The following ASIP variants were observed in gnomAD, a reference collection of about 807,000 sequenced individuals.
ASIP encodes agouti signaling protein.
In ASIP, 11 loss-of-function variants were observed where a neutral mutation model predicts 10.3. The ratio of observed to expected loss-of-function variants is 1.07; its 90% CI spans 0.68 to 1.78. The LOEUF is 1.78. Among genes scored for constraint, ASIP ranks in the 40% most tolerant of loss-of-function variants. The pLI is 0.00. For missense variants in ASIP, 180 were observed against 169.2 expected (o/e 1.06, Z -0.35); for synonymous variants, 70 against 70.8 (o/e 0.99, Z 0.06).
intron 1 of ASIP, among the ~76,000 whole-genome samples, chr20:34,218,812 G>A (rs940747045): frequency 2.0e-5 from 3 of 151,850 alleles, no homozygotes; most frequent in African/African-American, 4.8e-5. Context: ...GCAGGCGCCC[G>A]CCACCACGCC....
In ASIP at chr20:34,267,272, C is replaced by T. The variant is rs112066973; in HGVS notation, c.223-1719C>T. ...TAAAGAGTGCAAAGAAATTACAGCA[C>T]GGTAATGAGACTGAAGGGAAGAGTG... On this transcript the variant is annotated intron_variant, in intron 3 of 3. Transcript: ENST00000374954. Among the ~76,000 whole-genome samples the T allele has an allele frequency of 4.5e-4, 69 of 151,698 alleles. 1 individual carries two copies. Among genetic ancestry groups the T allele is most frequent in the Middle Eastern group, 6.8e-3 (2 of 292 alleles).
chr20:34,256,631 C>G (rs1178353906), intron 1 of ASIP, among the ~76,000 whole-genome samples: 2 of 152,068 alleles, frequency 1.3e-5, no homozygotes, highest in African/African-American at 4.8e-5. Flanking sequence ...TTTCCGGCCA[C>G]TCTCACTTCT....
chr20:34,201,003 TCCTTCCTTCC>T lies in ASIP; in HGVS notation c.-11+6244_-11+6253del, dbSNP rs2034891241. Among the ~76,000 whole-genome samples, 4 of 70,066 alleles carry T rather than the reference TCCTTCCTTCC, an allele frequency of 5.7e-5. No homozygotes were observed. In the African/African-American group the frequency reaches 5.9e-4, roughly 10 times the overall value. The allele number at this position is 70,066 out of a possible 152,430, so 46.0% of individuals were successfully genotyped here. A position where few individuals can be genotyped will look rare whatever the true frequency, so the allele number is the denominator to read the frequency against. ...TTCCTTCCTTCCTTCCTTCCTTCCT[TCCTTCCTTCC>T]TTCCTTCTTTCTTTCTTTCTTTCTT... On this transcript the variant is annotated intron_variant, in intron 1 of 3. Coordinates refer to the ASIP transcript ENST00000568305.
intron 3 of ASIP, among the ~76,000 whole-genome samples, chr20:34,263,553 C>T (rs1486247584): frequency 1.3e-5 from 2 of 152,088 alleles, no homozygotes; most frequent in Admixed American, 1.3e-4. Flanking sequence ...GAGTGAAACT[C>T]TGTCTCAAAA....
upstream of ASIP, among the ~76,000 whole-genome samples, chr20:34,238,738 A>T (rs2035243561): frequency 6.6e-6 from 1 of 152,054 alleles, no homozygotes; most frequent in African/African-American, 2.4e-5. Flanking sequence ...TTTGGTTGAA[A>T]ACTAGACATT....
At chr20:34,212,751 T>C (rs2122550610) in intron 1 of ASIP, among the ~76,000 whole-genome samples, 1 of 152,338 alleles carries the variant, frequency 6.6e-6, no homozygotes, top group African/African-American at 2.4e-5. Context: ...TCTGATGTTT[T>C]CCCACCTGCC....
upstream of ASIP, among the ~76,000 whole-genome samples, chr20:34,240,156 AAG>A (rs1277609362): frequency 6.6e-6 from 1 of 152,234 alleles, no homozygotes; most frequent in Non-Finnish European, 1.5e-5. Context: ...AAGGGAAAAA[AAG>A]AGAAAAAAGA....
chr20:34,252,344 G>A (rs2035490837), intron 1 of ASIP, among the ~76,000 whole-genome samples: 1 of 152,146 alleles, frequency 6.6e-6, no homozygotes, highest in Non-Finnish European at 1.5e-5. Context: ...CAACAGGTGG[G>A]GAGAAGGTCA....
upstream of ASIP, among the ~76,000 whole-genome samples, chr20:34,191,239 C>T (rs552215066): frequency 6.6e-6 from 1 of 152,310 alleles, no homozygotes; most frequent in African/African-American, 2.4e-5. Context: ...AGTAGCAAAT[C>T]CAATCTTGGT....
chr20:34,225,742 A>C (rs1181824666), intron 1 of ASIP, among the ~76,000 whole-genome samples: 1 of 152,062 alleles, frequency 6.6e-6, no homozygotes, highest in Non-Finnish European at 1.5e-5. Context: ...ATAAGTTCTC[A>C]TAATTGCTTG....
intron 1 of ASIP, among the ~76,000 whole-genome samples, chr20:34,226,083 G>C (rs1402702784): frequency 6.8e-6 from 1 of 147,210 alleles, no homozygotes; most frequent in South Asian, 2.1e-4. Flanking sequence ...TAGTAGAGAC[G>C]GGGTTTCACC....
intron 3 of ASIP, among the ~76,000 whole-genome samples, chr20:34,268,635 T>C (rs2424988): frequency 0.28 from 42,291 of 148,696 alleles, 10,429 homozygotes; most frequent in African/African-American, 0.67. Flanking sequence ...ACTTGGGAGG[T>C]TGAAGTGGCA....
Position 34,234,391 on chromosome 20 carries a change from T to C in ASIP, c.-10-25974T>C, listed in dbSNP as rs138966218. 1.4e-3 allele frequency among the ~76,000 whole-genome samples: 208 copies of C among 152,340 alleles called. 1 individual carries two copies. The highest frequency in any genetic ancestry group is 4.8e-3 in the African/African-American group (200 of 41,574). On this transcript the variant is annotated intron_variant, in intron 1 of 3. Coordinates refer to the ASIP transcript ENST00000568305. ...TAGCTTTTGTTTTAGACCATTGTGCTAATTGACCCTTAATGCAGTAGGTCT... is the reference window on the plus strand; with the variant it reads ...TAGCTTTTGTTTTAGACCATTGTGCCAATTGACCCTTAATGCAGTAGGTCT...
At chr20:34,253,077 A>T (rs769690148) in intron 1 of ASIP, among the ~76,000 whole-genome samples, 1 of 152,080 alleles carries the variant, frequency 6.6e-6, no homozygotes, top group East Asian at 1.9e-4. Flanking sequence ...TTTTCTACAT[A>T]GACACAGTAA....
At chr20:34,208,595 C>T (rs988326497) in intron 1 of ASIP, among the ~76,000 whole-genome samples, 1 of 152,188 alleles carries the variant, frequency 6.6e-6, no homozygotes, top group Non-Finnish European at 1.5e-5. Context: ...TCAAGTGATC[C>T]TCCCACCTTG....
At position 34,268,897 on chromosome 20, in the gene ASIP, C is replaced by G. The variant is rs932914863; in HGVS notation, c.223-94C>G. On this transcript the variant is annotated intron_variant, in intron 3 of 3. Transcript: ENST00000374954. ...CAAGCCAGCGGGGAAACCTCTGGTC[C>G]GGGATCTCCCTAGCCCGAGGAGCTC... 1.1e-5 allele frequency: 16 copies of G among 1,468,576 alleles called. No individual in the cohort carries two copies. In the East Asian group the frequency reaches 3.5e-4, roughly 32 times the overall value. 91.0% of individuals were successfully genotyped at this position (1,468,576 alleles called of 1,614,324 possible). A position where few individuals can be genotyped will look rare whatever the true frequency, so the allele number is the denominator to read the frequency against.
At chr20:34,210,898 C>A (rs2034970204) in intron 1 of ASIP, among the ~76,000 whole-genome samples, 1 of 152,098 alleles carries the variant, frequency 6.6e-6, no homozygotes. Flanking sequence ...CTGGAATAAA[C>A]CCTATTTGGT....
intron 1 of ASIP, among the ~76,000 whole-genome samples, chr20:34,196,286 T>A (rs1396851068): frequency 6.7e-6 from 1 of 150,306 alleles, no homozygotes; most frequent in Admixed American, 6.6e-5. Context: ...TTCACGCCAT[T>A]CTCCTGCCTC....
chr20:34,258,102 C>T (rs909543782), intron 1 of ASIP, among the ~76,000 whole-genome samples: 3 of 151,650 alleles, frequency 2.0e-5, no homozygotes, highest in African/African-American at 4.8e-5. Flanking sequence ...CAAGATCGCA[C>T]CACTGCACTC....
Sources: gnomAD v4.1 joint callset for allele counts (sites outside exome capture counted in the v4.1 genomes callset) on GRCh38, gnomAD v4.1.1 for gene constraint, MANE v1.5 for transcripts, NCBI Gene and HGNC (gene_info 2026-07-23, HGNC 2026-07-21) for gene names.